Variants in MTMR8 observed in about 807,000 individuals in gnomAD.
MTMR8 encodes the protein phosphatidylinositol-3,5-bisphosphate 3-phosphatase MTMR8.
In MTMR8, 65 loss-of-function variants were observed where a neutral mutation model predicts 39.3. The ratio of observed to expected loss-of-function variants is 1.65; its 90% confidence interval spans 1.35 to 2.03. The LOEUF (loss-of-function observed/expected upper bound fraction) is 2.03, where lower values mean the gene tolerates loss of function less well. MTMR8 is among the 30% of genes most tolerant of loss of function. The pLI is 0.00. For synonymous variants in MTMR8, 245 were observed against 185.2 expected (o/e 1.32, Z -2.62); for missense variants, 777 against 538.9 (o/e 1.44, Z -4.37).
At chrX:64,328,749 G>A (rs764824320) in intron 12 of MTMR8, 23 bp downstream of exon 12, 5 of 1,142,537 alleles carry the variant, frequency 4.4e-6, no homozygotes, top group South Asian at 2.2e-5. Flanking sequence ...TATAAGAAAG[G>A]AGGGAAAAAC....
intron 7 of MTMR8, 84 bp from the exon 8 acceptor site, chrX:64,343,804 T>G (rs1199506962): frequency 4.7e-6 from 3 of 644,619 alleles, no homozygotes; most frequent in Middle Eastern, 6.1e-4. Context: ...CTCCATATCG[T>G]AAGTGAGGAA....
chrX:64,345,818 G>A (rs976200213), intron 6 of MTMR8, among the ~76,000 whole-genome samples: 15 of 111,577 alleles, frequency 1.3e-4, no homozygotes, highest in East Asian at 5.7e-4. Flanking sequence ...AGACAGTCTC[G>A]CTGTTCCCCA....
chrX:64,365,751 C>T (rs1923932484), intron 1 of MTMR8, among the ~76,000 whole-genome samples: 1 of 111,660 alleles, frequency 9.0e-6, no homozygotes, highest in Non-Finnish European at 1.9e-5. Flanking sequence ...ATCAAATTCA[C>T]ACATAACAAT....
intron 12 of MTMR8, among the ~76,000 whole-genome samples, chrX:64,304,751 C>G (rs1446285975): frequency 9.7e-6 from 1 of 103,446 alleles, no homozygotes; most frequent in Non-Finnish European, 2.0e-5. Flanking sequence ...CATTCACCAT[C>G]TTGACCACAT....
chrX:64,299,283 C>G (rs1921749488), intron 12 of MTMR8, among the ~76,000 whole-genome samples: 1 of 71,068 alleles, frequency 1.4e-5, no homozygotes, highest in Admixed American at 1.7e-4. Flanking sequence ...TTCAGAGATT[C>G]AACTTCTTCC....
In MTMR8 at chrX:64,293,487, C is replaced by A. The variant is rs768110512; in HGVS notation, c.1482-22414G>T. ...GATGTTCTCTCATACATTGGTGAAG[C>A]AAGTATTAACATTTACTAGGGTTAG... On this transcript the variant is annotated intron_variant, in intron 12 of 13. Transcript: ENST00000374852. 3.6e-5 allele frequency among the ~76,000 whole-genome samples: 4 copies of A among 111,296 alleles called. No homozygotes were observed. In the East Asian group the frequency reaches 8.6e-4, roughly 24 times the overall value.
At chrX:64,393,771 G>T (rs1283044326) in intron 1 of MTMR8, among the ~76,000 whole-genome samples, 3 of 112,141 alleles carry the variant, frequency 2.7e-5, no homozygotes, top group Non-Finnish European at 3.8e-5. Context: ...CCCTGAAGAG[G>T]AGGGAGTCAG....
At chrX:64,299,718 G>A (rs1203431093) in intron 12 of MTMR8, among the ~76,000 whole-genome samples, 1,078 of 100,318 alleles carry the variant, frequency 0.011, 6 homozygotes, top group Non-Finnish European at 0.014. Context: ...TGGGCATTTC[G>A]TGCTATAAAT....
intron 1 of MTMR8, among the ~76,000 whole-genome samples, chrX:64,363,988 A>G (rs1008832754): frequency 8.9e-6 from 1 of 112,656 alleles, no homozygotes; most frequent in African/African-American, 3.2e-5. Flanking sequence ...GCTCACTGCT[A>G]GCACAGCAGT....
intron 12 of MTMR8, among the ~76,000 whole-genome samples, chrX:64,297,683 T>G (rs1482342820): frequency 2.0e-5 from 2 of 101,995 alleles, no homozygotes; most frequent in African/African-American, 7.2e-5. Context: ...TGGTAATGCC[T>G]AGGTTTTCTT....
chrX:64,299,576 TC>T (rs1207244765), intron 12 of MTMR8, among the ~76,000 whole-genome samples: 59 of 76,102 alleles, frequency 7.8e-4, no homozygotes, highest in Non-Finnish European at 8.9e-4. Context: ...TGTCTCTATT[TC>T]CTTCAGTTCT....
chrX:64,284,612 T>A (rs1395243313), intron 12 of MTMR8, among the ~76,000 whole-genome samples: 1 of 111,929 alleles, frequency 8.9e-6, no homozygotes, highest in Non-Finnish European at 1.9e-5. Flanking sequence ...CCCATCACAC[T>A]AACAGAGAAT....
chrX:64,350,918 TAAC>T (rs774726532), intron 4 of MTMR8, among the ~76,000 whole-genome samples: 21 of 111,322 alleles, frequency 1.9e-4, no homozygotes, highest in Non-Finnish European at 3.2e-4. Flanking sequence ...CCCAAACATT[TAAC>T]AACAGATGAA....
chrX:64,314,782 C>T (rs995047911), intron 12 of MTMR8, among the ~76,000 whole-genome samples: 3 of 112,145 alleles, frequency 2.7e-5, no homozygotes, highest in African/African-American at 6.5e-5. Context: ...TTGTGGGTAT[C>T]GAGTGGGTGG....
intron 12 of MTMR8, among the ~76,000 whole-genome samples, chrX:64,302,484 G>C (rs1171758234): frequency 3.6e-5 from 4 of 111,972 alleles, no homozygotes; most frequent in Non-Finnish European, 7.5e-5. Flanking sequence ...CTAGTGAGAT[G>C]AACCCGGTAC....
chrX:64,318,714 T>TTG (rs1381925381), intron 12 of MTMR8, among the ~76,000 whole-genome samples: 1 of 105,085 alleles, frequency 9.5e-6, no homozygotes, highest in African/African-American at 3.5e-5. Flanking sequence ...TTTTGTTTTT[T>TTG]TTTTTTTTTT....
Position 64,374,352 on chromosome X carries a change from T to C in MTMR8, c.25-14825A>G, listed in dbSNP as rs942898266. Among the ~76,000 whole-genome samples the C allele has an allele frequency of 2.7e-5, 3 of 111,985 alleles. No homozygotes were observed. In the Admixed American group the frequency reaches 2.8e-4, roughly 11 times the overall value. ...TGTAGTATCTACTATTTTCAGACTA[T>C]GGAGTTAGGCATTTTAAGGGAAAAT... On this transcript the variant is annotated intron_variant, in intron 1 of 13. Coordinates refer to ENST00000374852, the MANE Select transcript of MTMR8 (RefSeq NM_017677.4).
At chrX:64,300,739 G>A (rs1413009564) in intron 12 of MTMR8, among the ~76,000 whole-genome samples, 10 of 104,277 alleles carry the variant, frequency 9.6e-5, no homozygotes, top group African/African-American at 1.4e-4. Context: ...CATGTTTAGC[G>A]CTTCCTTCAG....
intron 12 of MTMR8, among the ~76,000 whole-genome samples, chrX:64,326,845 C>A (rs1922808037): frequency 9.1e-6 from 1 of 109,539 alleles, no homozygotes; most frequent in Non-Finnish European, 1.9e-5. Flanking sequence ...TGATACTGAT[C>A]TAAAAATAGA....
Sources: allele counts gnomAD v4.1 joint callset (sites outside exome capture counted in the v4.1 genomes callset), GRCh38; gene constraint gnomAD v4.1.1; transcripts MANE v1.5; gene names NCBI Gene and HGNC (gene_info 2026-07-23, HGNC 2026-07-21).